Variants in ANKRD6 observed in about 807,000 individuals in gnomAD.
ANKRD6 encodes the protein ankyrin repeat domain-containing protein 6.
In ANKRD6, 56 loss-of-function variants were observed where a neutral mutation model predicts 82.3. That is an observed-to-expected ratio of 0.68 (90% CI 0.55 to 0.85). The LOEUF (loss-of-function observed/expected upper bound fraction) is 0.85, where lower values mean the gene tolerates loss of function less well. Among genes scored for constraint, ANKRD6 ranks in the 40% least tolerant of loss-of-function variants. The pLI is 0.00. For missense variants in ANKRD6, 852 were observed against 907.6 expected (o/e 0.94, Z 0.79); for synonymous variants, 347 against 352.1 (o/e 0.99, Z 0.16).
intron 1 of ANKRD6, among the ~76,000 whole-genome samples, chr6:89,550,547 G>C (rs1044723107): frequency 3.3e-5 from 5 of 152,096 alleles, no homozygotes; most frequent in Non-Finnish European, 5.9e-5. Flanking sequence ...GGGTGTGAGG[G>C]GCTGCTGGAT....
chr6:89,625,946 G>C (rs911210486), intron 13 of ANKRD6, among the ~76,000 whole-genome samples: 1 of 152,020 alleles, frequency 6.6e-6, no homozygotes, highest in African/African-American at 2.4e-5. Flanking sequence ...CGTTGGCTAG[G>C]CTGGTGTCAA....
chr6:89,549,966 G>T (rs1405274499), intron 1 of ANKRD6, among the ~76,000 whole-genome samples: 1 of 152,070 alleles, frequency 6.6e-6, no homozygotes, highest in African/African-American at 2.4e-5. Context: ...CTTGGTGGCA[G>T]GCCACTGTAG....
chr6:89,617,210 G>A (rs148248109), intron 8 of ANKRD6, among the ~76,000 whole-genome samples: 2 of 152,324 alleles, frequency 1.3e-5, no homozygotes, highest in East Asian at 3.9e-4. Context: ...CCTGGAGGGT[G>A]CAACAGCTGC....
intron 1 of ANKRD6, among the ~76,000 whole-genome samples, chr6:89,546,588 C>T (rs530287953): frequency 3.9e-5 from 6 of 152,080 alleles, no homozygotes; most frequent in South Asian, 2.1e-4. Context: ...CTCAGCCTCT[C>T]GAGTAGCTGG....
chr6:89,491,828 T>C (rs1272974667), intron 1 of ANKRD6, among the ~76,000 whole-genome samples: 1 of 152,128 alleles, frequency 6.6e-6, no homozygotes, highest in Non-Finnish European at 1.5e-5. Flanking sequence ...GTCCTCTCCT[T>C]ATACCTGGAG....
intron 1 of ANKRD6, among the ~76,000 whole-genome samples, chr6:89,521,854 A>G (rs933814818): frequency 2.0e-5 from 3 of 152,152 alleles, no homozygotes; most frequent in Admixed American, 6.5e-5. Flanking sequence ...GAATAGCATT[A>G]TTTATTTATG....
rs551444719 is a variant in ANKRD6, at chr6:89,520,271, C to G, written c.-143-46563C>G. The stretch of plus-strand genomic sequence containing the variant: ...AAGTGTTGGTATTACAGGCGTGAAG[C>G]ACTGCACTCAGCAGCCTCTTTTTCA... On this transcript the variant is annotated intron_variant, in intron 1 of 15. Coordinates refer to ENST00000339746, the MANE Select transcript of ANKRD6 (RefSeq NM_001242809.2). Among the ~76,000 whole-genome samples the G allele has an allele frequency of 3.3e-5, 5 of 152,350 alleles. No individual in the cohort carries two copies. In the East Asian group the frequency reaches 7.7e-4, roughly 23 times the overall value.
chr6:89,624,661 G>A lies in ANKRD6; in HGVS notation c.1341G>A (p.Leu447=). Residue 447 remains leucine (L), a synonymous_variant, in exon 13 of 16, where the codon CTG becomes CTA. Transcript: ENST00000339746. ...GSVQDKMNTK[L]GQMENKTQHQ... ...TTCAGGACAAAATGAATACAAAGCT[G>A]GGGCAGATGGAGAATAAGACCCAGC... 1.2e-6 allele frequency: 2 copies of A among 1,600,654 alleles called. No individual in the cohort carries two copies. The highest frequency in any genetic ancestry group is 1.7e-6 in the Non-Finnish European group (2 of 1,173,440).
At position 89,538,391 on chromosome 6, in the gene ANKRD6, G is replaced by A. The variant is rs189346375; in HGVS notation, c.-143-28443G>A. The stretch of plus-strand genomic sequence containing the variant: ...AATTTGACATTGCTGCAACATCCAA[G>A]CACATGAGCATCATCATCGGCAAAC... On this transcript the variant is annotated intron_variant, in intron 1 of 15. Transcript: ENST00000339746. 4.5e-4 allele frequency among the ~76,000 whole-genome samples: 68 copies of A among 152,302 alleles called. 1 individual carries two copies. The highest frequency in any genetic ancestry group is 2.1e-3 in the South Asian group (10 of 4,832).
At chr6:89,490,358 T>C (rs9451228) in intron 1 of ANKRD6, among the ~76,000 whole-genome samples, 47,355 of 152,148 alleles carry the variant, frequency 0.31, 7,631 homozygotes, top group African/African-American at 0.37. Flanking sequence ...TGTTGTGTAG[T>C]ACACAAATAC....
chr6:89,585,207 T>C (rs1793439788), intron 2 of ANKRD6, among the ~76,000 whole-genome samples: 1 of 152,128 alleles, frequency 6.6e-6, no homozygotes, highest in African/African-American at 2.4e-5. Flanking sequence ...TGAGGAAAAC[T>C]TTCTCAACAT....
At chr6:89,547,444 G>T (rs1468018726) in intron 1 of ANKRD6, among the ~76,000 whole-genome samples, 11 of 152,184 alleles carry the variant, frequency 7.2e-5, no homozygotes, top group Non-Finnish European at 2.9e-5. Context: ...GGGGTGGAAA[G>T]CCATCAGGTG....
intron 2 of ANKRD6, among the ~76,000 whole-genome samples, chr6:89,577,131 G>A (rs1193760164): frequency 6.6e-6 from 1 of 151,836 alleles, no homozygotes; most frequent in African/African-American, 2.4e-5. Context: ...CCCCTCCTGA[G>A]GCCTGGTCCT....
At chr6:89,558,993 T>C (rs1787018807) in intron 1 of ANKRD6, among the ~76,000 whole-genome samples, 1 of 152,156 alleles carries the variant, frequency 6.6e-6, no homozygotes, top group Non-Finnish European at 1.5e-5. Context: ...GCATATACAA[T>C]CTTGAGAGTG....
At chr6:89,520,049 A>G (rs1171264791) in intron 1 of ANKRD6, among the ~76,000 whole-genome samples, 1 of 152,170 alleles carries the variant, frequency 6.6e-6, no homozygotes, top group East Asian at 1.9e-4. Context: ...GTGCAGTGGC[A>G]CAATCACGGC....
Position 89,593,081 on chromosome 6 carries a change from T to C in ANKRD6, c.121-2835T>C, listed in dbSNP as rs9451252. ...AAAGTGAGACTCCATCTCAATTTTT[T>C]AAAAAGTACTCCTGGGTCTGTTGGC... On this transcript the variant is annotated intron_variant, in intron 2 of 15. Transcript: ENST00000339746. 8.7e-3 allele frequency among the ~76,000 whole-genome samples: 1,329 copies of C among 152,166 alleles called. 13 individuals are homozygous for C. The highest frequency in any genetic ancestry group is 0.023 in the African/African-American group (958 of 41,518).
chr6:89,600,542 C>A (rs1380878775), intron 3 of ANKRD6, among the ~76,000 whole-genome samples: 1 of 152,072 alleles, frequency 6.6e-6, no homozygotes, highest in Non-Finnish European at 1.5e-5. Context: ...TATTAAAAAG[C>A]CTGTAAGAAG....
intron 1 of ANKRD6, among the ~76,000 whole-genome samples, chr6:89,554,949 T>A (rs1315247883): frequency 6.6e-6 from 1 of 152,112 alleles, no homozygotes; most frequent in African/African-American, 2.4e-5. Flanking sequence ...TATCCTGGTT[T>A]TCTTTCCTAA....
At chr6:89,523,437 T>C (rs1442289810) in intron 1 of ANKRD6, among the ~76,000 whole-genome samples, 1 of 152,186 alleles carries the variant, frequency 6.6e-6, no homozygotes, top group Non-Finnish European at 1.5e-5. Context: ...TTCTGGTTCT[T>C]TTATTGGGAG....
Sources: allele counts gnomAD v4.1 joint callset (sites outside exome capture counted in the v4.1 genomes callset), GRCh38; gene constraint gnomAD v4.1.1; transcripts MANE v1.5; gene names NCBI Gene and HGNC (gene_info 2026-07-23, HGNC 2026-07-21).